The following SEMA3A variants were observed in gnomAD, a reference collection of about 807,000 sequenced individuals.
SEMA3A encodes the protein semaphorin 3A, also known as semaphorin-3A.
In SEMA3A, 29 loss-of-function variants were observed where a neutral mutation model predicts 97.9. The ratio of observed to expected loss-of-function variants is 0.30; its 90% CI spans 0.22 to 0.40. The LOEUF (loss-of-function observed/expected upper bound fraction) is 0.40. SEMA3A is among the 10% of genes least tolerant of loss of function. The probability of loss-of-function intolerance (pLI) is 1.00; values close to 1 mark genes in which losing one functional copy is unlikely to be tolerated. For synonymous variants in SEMA3A, 321 were observed against 323.7 expected (o/e 0.99, Z 0.09); for missense variants, 763 against 951.3 (o/e 0.80, Z 2.60).
intron 1 of SEMA3A, among the ~76,000 whole-genome samples, chr7:84,431,322 A>C (rs75675763): frequency 0.015 from 2,302 of 152,120 alleles, 62 homozygotes; most frequent in African/African-American, 0.052. Context: ...CGTTTCCATG[A>C]CTGTGATTCA....
chr7:84,325,203 G>C (rs1486827538), intron 2 of SEMA3A, among the ~76,000 whole-genome samples: 1 of 151,934 alleles, frequency 6.6e-6, no homozygotes, highest in Non-Finnish European at 1.5e-5. Context: ...GTATGGAGCA[G>C]AGTTCTGAAC....
intron 4 of SEMA3A, among the ~76,000 whole-genome samples, chr7:84,061,199 G>A (rs1793203210): frequency 6.6e-6 from 1 of 152,168 alleles, no homozygotes; most frequent in African/African-American, 2.4e-5. Context: ...TGGAGGTGGT[G>A]TCAATGGAAT....
At chr7:84,341,127 T>A (rs2115986989) in intron 2 of SEMA3A, among the ~76,000 whole-genome samples, 1 of 152,310 alleles carries the variant, frequency 6.6e-6, no homozygotes, top group South Asian at 2.1e-4. Flanking sequence ...ATCAGTGGAA[T>A]AATTTAACAA....
Position 84,134,888 on chromosome 7 carries a change from G to T in SEMA3A, c.176C>A (p.Thr59Asn), listed in dbSNP as rs1242253377. The T allele has an allele frequency of 6.2e-7, 1 of 1,613,788 alleles. No individual in the cohort carries two copies. The highest frequency in any genetic ancestry group is 1.7e-5 in the Admixed American group (1 of 60,002). Residue 59 changes from threonine to asparagine, a missense_variant, in exon 2 of 17, where the codon ACC (threonine) becomes AAC (asparagine). Around this residue, in one of 2 missense-constraint regions of SEMA3A, gnomAD observed 85 missense variants for 70.0 expected, o/e 1.21. Transcript: ENST00000265362. ...NGLANSSSYHTFLLDEERSRL... is the reference protein window; with the variant it reads ...NGLANSSSYHNFLLDEERSRL... Reference sequence around the variant, plus strand: ...ACTCCGTTCCTCATCCAAAAGGAAGGTATGATAACTGGAGCTGTTGGCCAA... The same window carrying T: ...ACTCCGTTCCTCATCCAAAAGGAAGTTATGATAACTGGAGCTGTTGGCCAA...
intron 3 of SEMA3A, among the ~76,000 whole-genome samples, chr7:84,252,752 T>A (rs927031084): frequency 4.6e-5 from 7 of 152,248 alleles, no homozygotes; most frequent in African/African-American, 1.7e-4. Flanking sequence ...ACAGAAATTG[T>A]ATATATAAAA....
chr7:84,356,470 G>A (rs1216097332), intron 2 of SEMA3A, among the ~76,000 whole-genome samples: 3 of 151,384 alleles, frequency 2.0e-5, no homozygotes, highest in Non-Finnish European at 3.0e-5. Context: ...CCTTACAAGT[G>A]AAATTTACCT....
intron 9 of SEMA3A, among the ~76,000 whole-genome samples, chr7:84,008,446 G>C (rs895126419): frequency 1.4e-5 from 2 of 145,346 alleles, no homozygotes; most frequent in Admixed American, 7.3e-5. Context: ...AGCCTAGATC[G>C]TGCCACTGCA....
chr7:84,316,148 A>T (rs2115888616), intron 2 of SEMA3A, among the ~76,000 whole-genome samples: 1 of 148,084 alleles, frequency 6.8e-6, no homozygotes, highest in Middle Eastern at 3.5e-3. Context: ...AAAAAAAAAA[A>T]AAAAAAAAAA....
chr7:84,064,995 C>T, intron 4 of SEMA3A, among the ~76,000 whole-genome samples: 1 of 152,274 alleles, frequency 6.6e-6, no homozygotes, highest in East Asian at 1.9e-4. Context: ...CACACCTATT[C>T]CAAAATTGAC....
rs138881905 is a variant in SEMA3A, at chr7:84,201,706, A to C, written c.-82-7038T>G. Among the ~76,000 whole-genome samples the C allele has an allele frequency of 2.4e-4, 36 of 152,270 alleles. No individual in the cohort carries two copies. In the East Asian group the frequency reaches 6.9e-3, roughly 29 times the overall value. On this transcript the variant is annotated intron_variant, in intron 3 of 3. Coordinates refer to the SEMA3A transcript ENST00000424555. ...ATCCATAGAACTAATCTCTTTGAAA[A>C]TCAATCAACATAAATTCATTTTCCT...
intron 3 of SEMA3A, among the ~76,000 whole-genome samples, chr7:84,299,566 T>A (rs2115819143): frequency 6.6e-6 from 1 of 151,518 alleles, no homozygotes; most frequent in African/African-American, 2.4e-5. Flanking sequence ...CTTTCAAAAA[T>A]GGCTTGATTT....
chr7:84,216,171 A>G (rs1017881108), intron 3 of SEMA3A, among the ~76,000 whole-genome samples: 4 of 152,102 alleles, frequency 2.6e-5, no homozygotes, highest in African/African-American at 9.7e-5. Flanking sequence ...CACTGCCACC[A>G]TCTTTGCTCA....
chr7:84,129,387 T>C (rs1265986671), intron 2 of SEMA3A, among the ~76,000 whole-genome samples: 1 of 152,190 alleles, frequency 6.6e-6, no homozygotes, highest in Non-Finnish European at 1.5e-5. Flanking sequence ...ATCTACCCAA[T>C]AGCCTTTGCT....
chr7:83,967,553 A>C (rs923931141), intron 15 of SEMA3A, among the ~76,000 whole-genome samples: 3 of 152,162 alleles, frequency 2.0e-5, no homozygotes, highest in African/African-American at 7.2e-5. Context: ...TCTAGGGTTC[A>C]AGAACGGCCT....
intron 3 of SEMA3A, among the ~76,000 whole-genome samples, chr7:84,289,327 T>C (rs950155531): frequency 1.3e-5 from 2 of 152,212 alleles, no homozygotes; most frequent in Admixed American, 6.6e-5. Context: ...CAGTTAACAA[T>C]AATTTACTGT....
rs772453802 is a variant in SEMA3A, at chr7:84,007,048, TCTC to T, written c.1140+302_1140+304del. Among the ~76,000 whole-genome samples the T allele has an allele frequency of 2.9e-4, 44 of 152,232 alleles. No homozygotes were observed. In the East Asian group the frequency reaches 7.0e-3, roughly 24 times the overall value. ...TGAGATTGAAAATTATTTCTGCACTTCTCTACTACCATGTAAAAATAGTTTGCA... is the reference window on the plus strand; with the variant it reads ...TGAGATTGAAAATTATTTCTGCACTTTACTACCATGTAAAAATAGTTTGCA... On this transcript the variant is annotated intron_variant, in intron 10 of 16. Transcript: ENST00000265362.
Position 83,981,495 on chromosome 7 carries a change from C to T in SEMA3A, c.1495-17G>A, listed in dbSNP as rs1432984596. On this transcript the variant is annotated splice_polypyrimidine_tract_variant and intron_variant, in intron 13 of 16. Coordinates refer to ENST00000265362, the MANE Select transcript of SEMA3A (RefSeq NM_006080.3). Reference sequence around the variant, plus strand: ...TAGTTGTTGCTGTGGAAAGAGTTTACTGCTGTGACAAAAACTATCTTGTCT... The same window carrying T: ...TAGTTGTTGCTGTGGAAAGAGTTTATTGCTGTGACAAAAACTATCTTGTCT... The T allele has an allele frequency of 6.4e-7, 1 of 1,561,920 alleles. No individual in the cohort carries two copies. Among genetic ancestry groups the T allele is most frequent in the East Asian group, 2.3e-5 (1 of 43,768 alleles).
At chr7:83,962,859 A>C (rs1393924313) in intron 16 of SEMA3A, among the ~76,000 whole-genome samples, 1 of 152,138 alleles carries the variant, frequency 6.6e-6, no homozygotes, top group Non-Finnish European at 1.5e-5. Flanking sequence ...TAATTGAACA[A>C]AATTTAAAAT....
intron 4 of SEMA3A, among the ~76,000 whole-genome samples, chr7:84,078,818 CCTGA>C (rs1238094048): frequency 3.3e-5 from 5 of 151,602 alleles, no homozygotes; most frequent in African/African-American, 1.2e-4. Context: ...AAAAGAAAAC[CCTGA>C]CTGTTTCAAA....
Sources: allele counts gnomAD v4.1 joint callset (sites outside exome capture counted in the v4.1 genomes callset), GRCh38; gene constraint gnomAD v4.1.1; regional missense constraint gnomAD v4.1.1; transcripts MANE v1.5; gene names NCBI Gene and HGNC (gene_info 2026-07-23, HGNC 2026-07-21).